LDLRAD4: variants seen among roughly 807,000 people sequenced by gnomAD.
LDLRAD4 encodes the protein low density lipoprotein receptor class A domain containing 4.
Under a neutral mutation model 17.0 loss-of-function variants are expected in LDLRAD4, and 5 were observed. That is an observed-to-expected ratio of 0.29 (90% CI 0.15 to 0.62). The LOEUF (loss-of-function observed/expected upper bound fraction) is 0.62. Ranked by LOEUF, LDLRAD4 falls within the 20% of genes least tolerant of loss-of-function variation. The probability of loss-of-function intolerance (pLI) is 0.84; values close to 1 mark genes in which losing one functional copy is unlikely to be tolerated. For missense variants in LDLRAD4, 340 were observed against 424.7 expected (o/e 0.80, Z 1.75); for synonymous variants, 168 against 171.8 (o/e 0.98, Z 0.17).
intron 1 of LDLRAD4, among the ~76,000 whole-genome samples, chr18:13,346,788 T>A (rs915889552): frequency 6.6e-6 from 1 of 152,220 alleles, no homozygotes; most frequent in Non-Finnish European, 1.5e-5. Context: ...ATATTTAGGA[T>A]AGTTAGCTCT....
At chr18:13,426,258 T>C (rs1414630146) in intron 2 of LDLRAD4, 4 of 152,252 alleles carry the variant, frequency 2.6e-5, no homozygotes, top group Non-Finnish European at 4.4e-5. Context: ...ACTAGAAATA[T>C]TCTCTTTTTG....
chr18:13,336,941 T>A (rs1385355715), intron 1 of LDLRAD4, among the ~76,000 whole-genome samples: 2 of 152,196 alleles, frequency 1.3e-5, no homozygotes, highest in Non-Finnish European at 2.9e-5. Context: ...TCACTTTTTT[T>A]ATAGAATAAC....
At chr18:13,551,196 C>T (rs2094431181) in intron 3 of LDLRAD4, among the ~76,000 whole-genome samples, 1 of 152,204 alleles carries the variant, frequency 6.6e-6, no homozygotes, top group Admixed American at 6.5e-5. Flanking sequence ...AACAGCAACC[C>T]TCTTTCTTCC....
intron 1 of LDLRAD4, among the ~76,000 whole-genome samples, chr18:13,334,217 A>G (rs1266729102): frequency 6.6e-6 from 1 of 152,038 alleles, no homozygotes; most frequent in East Asian, 1.9e-4. Context: ...TCGCTGGTCT[A>G]TAGGAAAGCA....
chr18:13,260,780 C>T (rs527614866), intron 1 of LDLRAD4, among the ~76,000 whole-genome samples: 9 of 152,298 alleles, frequency 5.9e-5, no homozygotes, highest in African/African-American at 1.7e-4. Context: ...CTGTTCCTTC[C>T]GGTGACTACC....
chr18:13,617,219 C>T (rs1180483995), intron 3 of LDLRAD4, among the ~76,000 whole-genome samples: 3 of 152,044 alleles, frequency 2.0e-5, no homozygotes, highest in African/African-American at 4.8e-5. Flanking sequence ...ATTCCAGGCA[C>T]GCCTGGCCTG....
At chr18:13,581,336 A>G (rs953484524) in intron 3 of LDLRAD4, among the ~76,000 whole-genome samples, 1 of 152,132 alleles carries the variant, frequency 6.6e-6, no homozygotes, top group Non-Finnish European at 1.5e-5. Flanking sequence ...CATTTCTGCT[A>G]GTTGTTTTTT....
At chr18:13,567,012 G>A (rs1456268541) in intron 3 of LDLRAD4, among the ~76,000 whole-genome samples, 1 of 152,212 alleles carries the variant, frequency 6.6e-6, no homozygotes, top group Non-Finnish European at 1.5e-5. Flanking sequence ...GTCACACAGC[G>A]TGTGTGAAAG....
At chr18:13,444,426 A>G (rs1432441593) in intron 3 of LDLRAD4, among the ~76,000 whole-genome samples, 4 of 152,256 alleles carry the variant, frequency 2.6e-5, no homozygotes, top group Non-Finnish European at 5.9e-5. Flanking sequence ...AATGCAATAT[A>G]TCATAAATAT....
intron 3 of LDLRAD4, among the ~76,000 whole-genome samples, chr18:13,480,135 A>G (rs1469575234): frequency 6.6e-6 from 1 of 152,262 alleles, no homozygotes; most frequent in Non-Finnish European, 1.5e-5. Context: ...AGCTTTATTC[A>G]TCATGGCTAA....
intron 3 of LDLRAD4, among the ~76,000 whole-genome samples, chr18:13,557,719 G>A (rs2094498915): frequency 6.6e-6 from 1 of 152,152 alleles, no homozygotes; most frequent in African/African-American, 2.4e-5. Flanking sequence ...CTTTTTATAG[G>A]GAGACGAGAA....
At chr18:13,243,193 T>G (rs2145708157) in intron 1 of LDLRAD4, among the ~76,000 whole-genome samples, 1 of 152,322 alleles carries the variant, frequency 6.6e-6, no homozygotes, top group South Asian at 2.1e-4. Context: ...CACCTTTCCA[T>G]GGGCAGCATG....
intron 3 of LDLRAD4, among the ~76,000 whole-genome samples, chr18:13,552,555 G>T (rs1277189229): frequency 6.6e-6 from 1 of 152,210 alleles, no homozygotes; most frequent in Admixed American, 6.5e-5. Context: ...CTCTCTGGTT[G>T]CTGGTGCAGT....
At chr18:13,395,569 CG>C (rs2086603873) in intron 2 of LDLRAD4, among the ~76,000 whole-genome samples, 1 of 47,630 alleles carries the variant, frequency 2.1e-5, no homozygotes, top group African/African-American at 9.6e-5. Context: ...GGCGTGGGAG[CG>C]GGAGCTGGCG....
intron 3 of LDLRAD4, among the ~76,000 whole-genome samples, chr18:13,504,521 G>A (rs2093660489): frequency 6.6e-6 from 1 of 152,184 alleles, no homozygotes; most frequent in Admixed American, 6.5e-5. Flanking sequence ...TCTGCGTCGG[G>A]GGTTCAAGCG....
chr18:13,348,597 G>A (rs2082845183), intron 1 of LDLRAD4, among the ~76,000 whole-genome samples: 1 of 152,164 alleles, frequency 6.6e-6, no homozygotes, highest in African/African-American at 2.4e-5. Flanking sequence ...TGTCTTCCAA[G>A]CTGTCAGACA....
chr18:13,219,167 G>A (rs1203030008), intron 1 of LDLRAD4, among the ~76,000 whole-genome samples, 179 bp downstream of exon 1: 1 of 152,072 alleles, frequency 6.6e-6, no homozygotes, highest in African/African-American at 2.4e-5. Context: ...GCGGCACTGG[G>A]GGAAGGCGCA....
intron 3 of LDLRAD4, among the ~76,000 whole-genome samples, chr18:13,448,026 G>A (rs529959542): frequency 6.6e-6 from 1 of 152,304 alleles, no homozygotes; most frequent in African/African-American, 2.4e-5. Flanking sequence ...AAGAGAAAAG[G>A]CCCGCTGTTA....
intron 1 of LDLRAD4, among the ~76,000 whole-genome samples, chr18:13,320,701 A>G (rs1464615285): frequency 6.6e-6 from 1 of 152,198 alleles, no homozygotes. Flanking sequence ...AGGCTGTGGG[A>G]ATCCCGCTGC....
Sources: allele counts gnomAD v4.1 joint callset (sites outside exome capture counted in the v4.1 genomes callset), GRCh38; gene constraint gnomAD v4.1.1; transcripts MANE v1.5; gene names NCBI Gene and HGNC (gene_info 2026-07-23, HGNC 2026-07-21).